The following KIAA1755 variants were observed in gnomAD, a reference collection of about 807,000 sequenced individuals.
KIAA1755 encodes uncharacterized protein KIAA1755.
KIAA1755 carries 68 observed loss-of-function variants against 91.7 expected under a neutral mutation model. That is an observed-to-expected ratio of 0.74 (90% CI 0.61 to 0.91). The LOEUF is 0.91. Among genes scored for constraint, KIAA1755 ranks in the 40% least tolerant of loss-of-function variants. The pLI is 0.00. For synonymous variants in KIAA1755, 610 were observed against 604.6 expected (o/e 1.01, Z -0.13); for missense variants, 1,535 against 1,494.4 (o/e 1.03, Z -0.45).
chr20:38,260,332 T>A (rs527956183), intron 1 of KIAA1755, 166 bp downstream of exon 1: 1 of 1,561,546 alleles, frequency 6.4e-7, no homozygotes, highest in South Asian at 1.2e-5. Context: ...CTCCTGCCCT[T>A]GAACCCCTGC....
rs1353217542 is a variant in KIAA1755 at position 38,260,497 on chromosome 20, C to T, written c.3+1G>A. The T allele has an allele frequency of 2.7e-6, 4 of 1,482,852 alleles. No homozygotes were observed. Among genetic ancestry groups the T allele is most frequent in the Middle Eastern group, 2.4e-4 (1 of 4,166 alleles). 91.9% of individuals were successfully genotyped at this position (1,482,852 alleles called of 1,614,324 possible). On this transcript the variant is annotated splice_donor_variant, in intron 1 of 13. Coordinates refer to ENST00000279024, the MANE Select transcript of KIAA1755 (RefSeq NM_001029864.2). LOFTEE classifies it high-confidence loss of function. The stretch of plus-strand genomic sequence containing the variant: ...AGGTGGTCCAGGCCTTGGCGCGTTA[C>T]CATGGTGACGGGCTGCCAGCGGCGG...
In KIAA1755 at chr20:38,227,260, C is replaced by T. The variant is rs1429083317; in HGVS notation, c.1966-20G>A. On this transcript the variant is annotated intron_variant, in intron 6 of 13. Transcript: ENST00000279024. ...CTGAGCCTGTCAAAGACAACCACTGCAGAGTTGCTCTGCCCAAGGCTTCAT... is the reference window on the plus strand; with the variant it reads ...CTGAGCCTGTCAAAGACAACCACTGTAGAGTTGCTCTGCCCAAGGCTTCAT... 2 of 1,596,982 alleles carry T rather than the reference C, an allele frequency of 1.3e-6. No homozygotes were observed. The highest frequency in any genetic ancestry group is 2.7e-5 in the African/African-American group (2 of 74,548).
chr20:38,245,138 A>G (rs893954530), intron 2 of KIAA1755, among the ~76,000 whole-genome samples: 2 of 152,198 alleles, frequency 1.3e-5, no homozygotes, highest in Admixed American at 1.3e-4. Flanking sequence ...TTGGTCCAGG[A>G]ATGGGCATAT....
chr20:38,254,581 A>G (rs2076307156), intron 1 of KIAA1755, among the ~76,000 whole-genome samples: 1 of 152,094 alleles, frequency 6.6e-6, no homozygotes, highest in Non-Finnish European at 1.5e-5. Flanking sequence ...TGGGGCCAGA[A>G]GTTCGAGACT....
chr20:38,243,978 G>A (rs1426173917), intron 2 of KIAA1755, among the ~76,000 whole-genome samples: 1 of 152,156 alleles, frequency 6.6e-6, no homozygotes, highest in Non-Finnish European at 1.5e-5. Context: ...GATCTCCAAA[G>A]TTCACAGTGA....
Position 38,217,487 on chromosome 20 carries a change from A to G in KIAA1755, c.2680-13T>C. 6.3e-7 allele frequency: 1 copy of G among 1,578,300 alleles called. No homozygotes were observed. Among genetic ancestry groups the G allele is most frequent in the South Asian group, 1.1e-5 (1 of 87,564 alleles). ...GGCGGTACTGGGCCTGAGAGGGGAGAGGAGGGGGCGCCCACTCAGCACCCA... is the reference window on the plus strand; with the variant it reads ...GGCGGTACTGGGCCTGAGAGGGGAGGGGAGGGGGCGCCCACTCAGCACCCA... On this transcript the variant is annotated splice_polypyrimidine_tract_variant and intron_variant, in intron 12 of 13. Transcript: ENST00000279024.
chr20:38,246,054 G>C lies in KIAA1755; in HGVS notation c.76C>G (p.Pro26Ala). 1 of 1,614,108 alleles carries C rather than the reference G, an allele frequency of 6.2e-7. No homozygotes were observed. The highest frequency in any genetic ancestry group is 1.1e-5 in the South Asian group (1 of 91,076). The change falls in exon 2 of 14, where the codon CCC becomes GCC. Residue 26 changes from proline (P) to alanine (A), a missense_variant. Physicochemically the swap from Pro to Ala is conservative, Grantham distance 27 (BLOSUM62 -1). Transcript: ENST00000279024. ...CGGAACACCTGACCCAGGACGGTGGGTGCTGTGGCCTCGAAAGGAGGATAG... is the reference window on the plus strand; with the variant it reads ...CGGAACACCTGACCCAGGACGGTGGCTGCTGTGGCCTCGAAAGGAGGATAG... Reference protein sequence around the residue: ...GLYPPFEATAPTVLGQVFRLL... With the variant: ...GLYPPFEATAATVLGQVFRLL...
Position 38,217,358 on chromosome 20 carries a change from A to T in KIAA1755, c.2796T>A (p.Ser932=). ...AEFPELAAFA[S]TQRAFQAELT... ...GCTCAGCCTGGAAGGCCCGCTGGGT[A>T]GAGGCAAAGGCTGCCAGCTCTGGGA... is the stretch of plus-strand genomic sequence containing the variant. Residue 932 remains serine, a synonymous_variant, in exon 13 of 14, where the codon TCT becomes TCA. Transcript: ENST00000279024. 2 of 1,613,326 alleles carry T rather than the reference A, an allele frequency of 1.2e-6. No homozygotes were observed.
chr20:38,239,867 C>T, intron 3 of KIAA1755, 142 bp from the exon 4 acceptor site: 1 of 798,616 alleles, frequency 1.3e-6, no homozygotes, highest in Admixed American at 2.3e-5. Flanking sequence ...GCGCTAAGCC[C>T]CTTACTTCTA....
rs779441270 is a variant in KIAA1755, at chr20:38,213,472, G to A, written c.3173C>T (p.Pro1058Leu). The A allele has an allele frequency of 5.6e-6, 9 of 1,605,880 alleles. No individual in the cohort carries two copies. In the South Asian group the frequency reaches 1.0e-4, roughly 18 times the overall value. The stretch of plus-strand genomic sequence containing the variant: ...CGCTGAGTGAGCAGCTGGAGCCTCT[G>A]GGCAAGAGCTGTGGGTCAGTGCCTT... Reference protein sequence around the residue: ...LEKALTHSSCPEAPAAHSARP... With the variant: ...LEKALTHSSCLEAPAAHSARP... The change falls in exon 14 of 14, where the codon CCA (proline) becomes CTA (leucine). Residue 1058 changes from proline to leucine, a missense_variant. Pro to Leu is a moderately conservative substitution (Grantham distance 98). Coordinates refer to ENST00000279024, the MANE Select transcript of KIAA1755 (RefSeq NM_001029864.2).
At chr20:38,231,430 G>T in intron 4 of KIAA1755, 105 bp from the exon 5 acceptor site, 1 of 1,270,942 alleles carries the variant, frequency 7.9e-7, no homozygotes, top group Non-Finnish European at 1.1e-6. Flanking sequence ...CCTTTGCCTG[G>T]AACACCCTTT....
At chr20:38,246,597 C>A (rs890322936) in intron 1 of KIAA1755, among the ~76,000 whole-genome samples, 18 of 152,318 alleles carry the variant, frequency 1.2e-4, no homozygotes, top group Admixed American at 4.6e-4. Flanking sequence ...CAGCCCCACT[C>A]CACATGCAGA....
rs2076048764 is a variant in KIAA1755 at position 38,240,956 on chromosome 20, G to A, written c.1175C>T (p.Ser392Leu). The part of the protein sequence containing the change: ...DCASGLRAGV[S>L]QEPAASKMQG... ...CATCTTGGAGGCAGCTGGCTCTTGT[G>A]AGACACCTGCCCTGAGACCAGAGGC... Residue 392 changes from serine (S) to leucine (L), a missense_variant, in exon 3 of 14, where the codon TCA becomes TTA. Ser to Leu is a moderately radical substitution (Grantham distance 145). Transcript: ENST00000279024. 1 of 1,614,058 alleles carries A rather than the reference G, an allele frequency of 6.2e-7. No individual in the cohort carries two copies.
At position 38,213,438 on chromosome 20, in the gene KIAA1755, T is replaced by G. The variant is rs568341291; in HGVS notation, c.3207A>C (p.Glu1069Asp). 6.2e-7 allele frequency: 1 copy of G among 1,602,070 alleles called. No homozygotes were observed. The highest frequency in any genetic ancestry group is 8.5e-7 in the Non-Finnish European group (1 of 1,174,204). Residue 1069 changes from glutamate to aspartate, a missense_variant, in exon 14 of 14, where the codon GAA becomes GAC. Physicochemically the swap from Glu to Asp is conservative, Grantham distance 45 (BLOSUM62 2). Transcript: ENST00000279024. ...EAPAAHSARPERRGVAAKGQG... is the reference protein window; with the variant it reads ...EAPAAHSARPDRRGVAAKGQG... The stretch of plus-strand genomic sequence containing the variant: ...GGCCCTTGGCTGCCACCCCTCTTCG[T>G]TCTGGGCGCGCTGAGTGAGCAGCTG...
Position 38,225,651 on chromosome 20 carries a change from G to C in KIAA1755, c.2169+14C>G, listed in dbSNP as rs2123117703. 1 of 1,530,176 alleles carries C rather than the reference G, an allele frequency of 6.5e-7. No homozygotes were observed. The highest frequency in any genetic ancestry group is 2.2e-5 in the East Asian group (1 of 44,522). 94.8% of individuals were successfully genotyped at this position (1,530,176 alleles called of 1,614,324 possible). Reference sequence around the variant, plus strand: ...GAGTGGGGGTCAGGGGCTAAAGGCTGTGACGGTAAACACCTGGAAGAAATG... The same window carrying C: ...GAGTGGGGGTCAGGGGCTAAAGGCTCTGACGGTAAACACCTGGAAGAAATG... On this transcript the variant is annotated intron_variant, in intron 8 of 13. Coordinates refer to ENST00000279024, the MANE Select transcript of KIAA1755 (RefSeq NM_001029864.2).
chr20:38,222,321 T>G (rs889787081), intron 10 of KIAA1755, 128 bp downstream of exon 10: 46 of 955,708 alleles, frequency 4.8e-5, no homozygotes, highest in Non-Finnish European at 7.0e-5. Flanking sequence ...ATACAGGCCC[T>G]GCAACTACTG....
In KIAA1755 at chr20:38,239,540, C is replaced by G; in HGVS notation, c.1735G>C (p.Ala579Pro). 1 of 1,613,854 alleles carries G rather than the reference C, an allele frequency of 6.2e-7. No homozygotes were observed. The highest frequency in any genetic ancestry group is 8.5e-7 in the Non-Finnish European group (1 of 1,179,910). ...AATCCCCTGGAACCTGGCAGGCATG[C>G]TATCCTGGAGCGGAAAACCTTGACA... The part of the protein sequence containing the change: ...LGVKVFRSRI[A>P]CLPGGRDRAG... The change falls in exon 4 of 14, where the codon GCA (alanine) becomes CCA (proline). Residue 579 changes from alanine to proline, a missense_variant. Physicochemically the swap from Ala to Pro is conservative, Grantham distance 27. Coordinates refer to ENST00000279024, the MANE Select transcript of KIAA1755 (RefSeq NM_001029864.2).
rs1294940380 is a variant in KIAA1755, at chr20:38,240,881, G to T, written c.1250C>A (p.Pro417Gln). The change falls in exon 3 of 14, where the codon CCA becomes CAA. Residue 417 changes from proline to glutamine, a missense_variant. Pro to Gln is a moderately conservative substitution (Grantham distance 76). Coordinates refer to ENST00000279024, the MANE Select transcript of KIAA1755 (RefSeq NM_001029864.2). ...PENMVQLRPG[P>Q]RQASSPRLSP... ...CAGGCGGGGAGAGGAGGCTTGTCTT[G>T]GTCCAGGCCTGAGCTGCACCATATT... 1.2e-6 allele frequency: 2 copies of T among 1,613,926 alleles called. No homozygotes were observed. Among genetic ancestry groups the T allele is most frequent in the African/African-American group, 1.3e-5 (1 of 74,924 alleles).
intron 12 of KIAA1755, chr20:38,217,721 T>C (rs2075576054): frequency 1.7e-6 from 1 of 571,852 alleles, no homozygotes; most frequent in African/African-American, 1.9e-5. Flanking sequence ...GGCAGTTCAC[T>C]TTGCCTAGCC....
Sources: allele counts gnomAD v4.1 joint callset (sites outside exome capture counted in the v4.1 genomes callset), GRCh38; gene constraint gnomAD v4.1.1; transcripts MANE v1.5; gene names NCBI Gene and HGNC (gene_info 2026-07-23, HGNC 2026-07-21).